The following GPR55 variants were observed in gnomAD, a reference collection of about 807,000 sequenced individuals.
GPR55 encodes the protein G-protein coupled receptor 55.
GPR55 carries 6 observed loss-of-function variants against 7.9 expected under a neutral mutation model. The observed-to-expected ratio is 0.76, with a 90% CI of 0.41 to 1.49. The LOEUF is 1.49. Among genes scored for constraint, GPR55 ranks in the 40% most tolerant of loss-of-function variants. GPR55 has a pLI of 0.01. For missense variants in GPR55, 376 were observed against 406.0 expected (o/e 0.93, Z 0.63); for synonymous variants, 183 against 166.8 (o/e 1.10, Z -0.75).
chr2:230,923,511 G>C lies in GPR55; in HGVS notation c.-135+1657C>G, dbSNP rs974294686. On this transcript the variant is annotated intron_variant, in intron 1 of 1. Coordinates refer to ENST00000650999, the MANE Select transcript of GPR55 (RefSeq NM_005683.4). The surrounding 1 kb of genome is among the most constrained non-coding windows in gnomAD (Gnocchi z 4.1). Reference sequence around the variant, plus strand: ...CCTGTGCCTGAGCTGGGCTTCTGGGGGCCACGATAGAAGAAGGAACAGGAC... The same window carrying C: ...CCTGTGCCTGAGCTGGGCTTCTGGGCGCCACGATAGAAGAAGGAACAGGAC... Among the ~76,000 whole-genome samples, 12 of 152,152 alleles carry C rather than the reference G, an allele frequency of 7.9e-5. No homozygotes were observed. The highest frequency in any genetic ancestry group is 1.5e-4 in the Non-Finnish European group (10 of 68,038).
chr2:230,925,314 C>T (rs376604166), upstream of GPR55: 9 of 152,754 alleles, frequency 5.9e-5, no homozygotes, highest in East Asian at 5.8e-4. Flanking sequence ...ACCAGATGCT[C>T]TTTGAGCCGC....
At chr2:230,932,057 T>C (rs1439164020) in intron 1 of GPR55, among the ~76,000 whole-genome samples, 1 of 152,044 alleles carries the variant, frequency 6.6e-6, no homozygotes, top group African/African-American at 2.4e-5. Context: ...GGCCTCCAAC[T>C]TCACAGAAAA....
chr2:230,916,582 C>T (rs574776437), intron 1 of GPR55, among the ~76,000 whole-genome samples: 4 of 151,172 alleles, frequency 2.6e-5, no homozygotes, highest in South Asian at 4.2e-4. Flanking sequence ...TTTAATATTG[C>T]GGATAAATTA....
At position 230,957,363 on chromosome 2, in the gene GPR55, C is replaced by T. The variant is rs533855612; in HGVS notation, c.-135+3412G>A. On this transcript the variant is annotated intron_variant, in intron 1 of 1. Coordinates refer to the GPR55 transcript ENST00000392039. The stretch of plus-strand genomic sequence containing the variant: ...ACCGGCACTGCGATACCATGACAGT[C>T]GATCACTGACGGCCGGTGGTGTCTC... 9.7e-4 allele frequency among the ~76,000 whole-genome samples: 147 copies of T among 152,218 alleles called. 1 individual carries two copies. Among genetic ancestry groups the T allele is most frequent in the Non-Finnish European group, 1.7e-3 (113 of 68,046 alleles).
At chr2:230,949,510 A>T (rs985422892) in intron 1 of GPR55, among the ~76,000 whole-genome samples, 2 of 152,140 alleles carry the variant, frequency 1.3e-5, no homozygotes, top group African/African-American at 4.8e-5. Context: ...TCCTGGGAAG[A>T]ATGGGGTGGA....
At chr2:230,926,847 G>T (rs1408300066), upstream of GPR55, among the ~76,000 whole-genome samples, 1 of 151,734 alleles carries the variant, frequency 6.6e-6, no homozygotes, top group Non-Finnish European at 1.5e-5. Context: ...GTGCCACCAG[G>T]CCCGACTAAC....
At chr2:230,951,659 T>G (rs1392040822) in intron 1 of GPR55, among the ~76,000 whole-genome samples, 1 of 152,118 alleles carries the variant, frequency 6.6e-6, no homozygotes, top group African/African-American at 2.4e-5. Flanking sequence ...CAACTTAGAG[T>G]TGGCTGGGAT....
intron 1 of GPR55, among the ~76,000 whole-genome samples, chr2:230,959,597 C>G (rs3106304): frequency 0.47 from 71,907 of 152,060 alleles, 19,016 homozygotes; most frequent in African/African-American, 0.71. Context: ...AGTGACAGAC[C>G]TTTGAACTCA....
At position 230,957,602 on chromosome 2, in the gene GPR55, G is replaced by A. The variant is rs577892748; in HGVS notation, c.-135+3173C>T. The A allele has an allele frequency of 2.7e-4, 125 of 455,068 alleles. 4 individuals are homozygous for A. The highest frequency in any genetic ancestry group is 1.9e-3 in the South Asian group (119 of 61,950). The allele number at this position is 455,068 out of a possible 1,614,324, so 28.2% of individuals were successfully genotyped here. A position where few individuals can be genotyped will look rare whatever the true frequency, so the allele number is the denominator to read the frequency against. Reference sequence around the variant, plus strand: ...GCGGGGAGTCGTCCCCGTGGCCGCCGCTCCGGAGCCCGGCGAGCCCGCGAA... The same window carrying A: ...GCGGGGAGTCGTCCCCGTGGCCGCCACTCCGGAGCCCGGCGAGCCCGCGAA... On this transcript the variant is annotated intron_variant, in intron 1 of 1. Coordinates refer to the GPR55 transcript ENST00000392039.
At chr2:230,940,959 T>C (rs144174118) in intron 1 of GPR55, among the ~76,000 whole-genome samples, 3,693 of 151,802 alleles carry the variant, frequency 0.024, 139 homozygotes, top group African/African-American at 0.085. Context: ...TCTATTAAAA[T>C]ACAAAAAATT....
chr2:230,939,142 T>A (rs1207778304), intron 1 of GPR55, among the ~76,000 whole-genome samples: 2 of 152,224 alleles, frequency 1.3e-5, no homozygotes, highest in African/African-American at 4.8e-5. Context: ...GGGCCTAGGC[T>A]GAGCACAGAG....
chr2:230,913,208 C>T (rs190907554), intron 1 of GPR55, among the ~76,000 whole-genome samples: 2 of 152,296 alleles, frequency 1.3e-5, no homozygotes, highest in Non-Finnish European at 1.5e-5. Context: ...ATGAATTCCA[C>T]AATAAGCATT....
At chr2:230,916,296 A>G (rs2125051269) in intron 1 of GPR55, among the ~76,000 whole-genome samples, 1 of 152,192 alleles carries the variant, frequency 6.6e-6, no homozygotes, top group African/African-American at 2.4e-5. Context: ...GCTGTGTGGG[A>G]GGATCACTTG....
chr2:230,913,870 A>T (rs933130523), intron 1 of GPR55, among the ~76,000 whole-genome samples: 2 of 152,244 alleles, frequency 1.3e-5, no homozygotes, highest in African/African-American at 4.8e-5. Flanking sequence ...AAGACCAGAA[A>T]CAGCAGAAAA....
At chr2:230,915,662 G>A (rs1357301854) in intron 1 of GPR55, among the ~76,000 whole-genome samples, 2 of 152,212 alleles carry the variant, frequency 1.3e-5, no homozygotes, top group African/African-American at 4.8e-5. Flanking sequence ...CAGAGGCCCT[G>A]CTGACACCTC....
chr2:230,937,185 T>G (rs1356719420), intron 1 of GPR55, among the ~76,000 whole-genome samples: 1 of 152,014 alleles, frequency 6.6e-6, no homozygotes, highest in Non-Finnish European at 1.5e-5. Flanking sequence ...GAGGATTGCT[T>G]GAGGCCAGGA....
At chr2:230,938,865 C>T (rs1256472665) in intron 1 of GPR55, among the ~76,000 whole-genome samples, 1 of 152,202 alleles carries the variant, frequency 6.6e-6, no homozygotes, top group Non-Finnish European at 1.5e-5. Context: ...TCGAGTCTAG[C>T]TGCATCTCTT....
intron 1 of GPR55, among the ~76,000 whole-genome samples, chr2:230,950,992 A>G (rs1430921750): frequency 6.6e-6 from 1 of 152,174 alleles, no homozygotes; most frequent in Non-Finnish European, 1.5e-5. Context: ...CCCTTCCCCT[A>G]TACCTTGCCC....
At chr2:230,958,616 G>A (rs974858494) in intron 1 of GPR55, among the ~76,000 whole-genome samples, 5 of 152,008 alleles carry the variant, frequency 3.3e-5, no homozygotes, top group East Asian at 1.9e-4. Flanking sequence ...CCATGAGTTC[G>A]ATTGTTTCCA....
Sources: allele counts gnomAD v4.1 joint callset (sites outside exome capture counted in the v4.1 genomes callset), GRCh38; gene constraint gnomAD v4.1.1; non-coding constraint Gnocchi (gnomAD v3.1); transcripts MANE v1.5; gene names NCBI Gene and HGNC (gene_info 2026-07-23, HGNC 2026-07-21).